ATXN7L1: variants seen among roughly 807,000 people sequenced by gnomAD.
The protein encoded by ATXN7L1 is ataxin-7-like protein 1.
Under a neutral mutation model 70.8 loss-of-function variants are expected in ATXN7L1, and 15 were observed. The ratio of observed to expected loss-of-function variants is 0.21; its 90% confidence interval spans 0.14 to 0.33. The LOEUF (loss-of-function observed/expected upper bound fraction) is 0.33, where lower values mean the gene tolerates loss of function less well. ATXN7L1 is among the 10% of genes least tolerant of loss of function. The pLI, the probability that ATXN7L1 is intolerant of heterozygous loss-of-function variation, is 1.00. For missense variants in ATXN7L1, 975 were observed against 1,097.1 expected, an observed-to-expected ratio of 0.89 and a Z score of 1.57; for synonymous variants, 440 against 445.1, an observed-to-expected ratio of 0.99 and a Z score of 0.14.
At position 105,731,591 on chromosome 7, in the gene ATXN7L1, C is replaced by T. The variant is rs187807399; in HGVS notation, c.355+57013G>A. 6.6e-5 allele frequency among the ~76,000 whole-genome samples: 10 copies of T among 151,334 alleles called. 1 individual carries two copies. Among genetic ancestry groups the T allele is most frequent in the Admixed American group, 5.3e-4 (8 of 15,190 alleles). ...CTGGGATTACATGCACCCACCACCA[C>T]GCCCGGCTAATTTTTTTATTTTTTA... On this transcript the variant is annotated intron_variant, in intron 3 of 11. Coordinates refer to ENST00000419735, the MANE Select transcript of ATXN7L1 (RefSeq NM_020725.2).
chr7:105,688,760 A>T (rs1399286763), intron 3 of ATXN7L1, among the ~76,000 whole-genome samples: 1 of 152,222 alleles, frequency 6.6e-6, no homozygotes, highest in East Asian at 1.9e-4. Context: ...GATAACTGGC[A>T]GTCTGCCTGC....
chr7:105,768,418 T>C (rs1801558820), intron 3 of ATXN7L1, among the ~76,000 whole-genome samples: 1 of 152,170 alleles, frequency 6.6e-6, no homozygotes, highest in African/African-American at 2.4e-5. Context: ...TTCAACAAAC[T>C]TATCTGTGGC....
chr7:105,726,424 T>C (rs1431563259), intron 3 of ATXN7L1, among the ~76,000 whole-genome samples: 1 of 152,134 alleles, frequency 6.6e-6, no homozygotes, highest in Non-Finnish European at 1.5e-5. Context: ...ACATGTCCCT[T>C]AGTGTGAACA....
rs1036085628 is a variant in ATXN7L1 at position 105,605,107 on chromosome 7, A to G, written c.*2745T>C. On this transcript the variant is annotated 3_prime_UTR_variant, in exon 12 of 12. Coordinates refer to ENST00000419735, the MANE Select transcript of ATXN7L1 (RefSeq NM_020725.2). ...ATGCATTGCGTTATGCTTCACAACCAGAGCTTTCGAGCCTCTATGGCTGGC... is the reference window on the plus strand; with the variant it reads ...ATGCATTGCGTTATGCTTCACAACCGGAGCTTTCGAGCCTCTATGGCTGGC... 45 of 138,536 alleles carry G rather than the reference A, an allele frequency of 3.2e-4. No individual in the cohort carries two copies. The highest frequency in any genetic ancestry group is 1.2e-3 in the African/African-American group (43 of 36,580). The allele number at this position is 138,536 out of a possible 1,614,324, so 8.6% of individuals were successfully genotyped here.
chr7:105,813,645 A>G (rs1347673445), intron 2 of ATXN7L1, among the ~76,000 whole-genome samples: 2 of 152,176 alleles, frequency 1.3e-5, no homozygotes, highest in Non-Finnish European at 2.9e-5. Flanking sequence ...CCCACAATCT[A>G]TAATTTTAAT....
intron 3 of ATXN7L1, among the ~76,000 whole-genome samples, chr7:105,781,079 A>G (rs188724064): frequency 6.6e-6 from 1 of 152,292 alleles, no homozygotes; most frequent in Admixed American, 6.5e-5. Context: ...AGAGACTGCT[A>G]TTGCTATCCA....
At chr7:105,670,767 C>T (rs374645534) in intron 3 of ATXN7L1, among the ~76,000 whole-genome samples, 60 of 151,298 alleles carry the variant, frequency 4.0e-4, no homozygotes, top group African/African-American at 1.4e-3. Context: ...ATTGAGACCA[C>T]CCTAGCCAAC....
intron 2 of ATXN7L1, among the ~76,000 whole-genome samples, chr7:105,827,620 G>A (rs1377459798): frequency 1.3e-5 from 2 of 152,186 alleles, no homozygotes; most frequent in African/African-American, 2.4e-5. Context: ...CCGCAAGGCC[G>A]ACTGAGGGAT....
intron 4 of ATXN7L1, among the ~76,000 whole-genome samples, chr7:105,646,118 C>T (rs764419767): frequency 6.6e-6 from 1 of 150,930 alleles, no homozygotes; most frequent in Non-Finnish European, 1.5e-5. Flanking sequence ...TTGAGACCAG[C>T]CCGGGCAACA....
intron 2 of ATXN7L1, among the ~76,000 whole-genome samples, chr7:105,820,508 TCTCAGCACAACAAAGCTCGGC>T (rs1451692487): frequency 1.3e-5 from 2 of 152,158 alleles, no homozygotes; most frequent in African/African-American, 4.8e-5. Flanking sequence ...GAGCTGTGGT[TCTCAGCACAACAAAGCTCGGC>T]CATGTAGCTG....
intron 3 of ATXN7L1, among the ~76,000 whole-genome samples, chr7:105,719,896 A>G (rs35865193): frequency 0.033 from 5,101 of 152,304 alleles, 123 homozygotes; most frequent in Non-Finnish European, 0.049. Context: ...CGAATCATGC[A>G]TTTAAAAGTT....
chr7:105,709,905 T>C (rs1008337266), intron 3 of ATXN7L1, among the ~76,000 whole-genome samples: 2 of 151,748 alleles, frequency 1.3e-5, no homozygotes, highest in African/African-American at 2.4e-5. Flanking sequence ...CAGAGTCTCA[T>C]TCTGTTGCAC....
At chr7:105,810,696 A>G (rs1474139791) in intron 2 of ATXN7L1, among the ~76,000 whole-genome samples, 1 of 152,230 alleles carries the variant, frequency 6.6e-6, no homozygotes, top group Non-Finnish European at 1.5e-5. Flanking sequence ...GCAGGAGCCA[A>G]CGCGAGCCAG....
Position 105,612,147 on chromosome 7 carries a change from G to C in ATXN7L1, c.2473-1544C>G, listed in dbSNP as rs772691621. Among the ~76,000 whole-genome samples the C allele has an allele frequency of 1.5e-3, 233 of 152,318 alleles. 2 individuals are homozygous for C. The highest frequency in any genetic ancestry group is 4.1e-4 in the Non-Finnish European group (28 of 68,036). On this transcript the variant is annotated intron_variant, in intron 10 of 11. Coordinates refer to ENST00000419735, the MANE Select transcript of ATXN7L1 (RefSeq NM_020725.2). ...CACAGAGGGACTCTGTTAATGGCATGGAGGCTAAGAGGCCAGACTCCAGAG... is the reference window on the plus strand; with the variant it reads ...CACAGAGGGACTCTGTTAATGGCATCGAGGCTAAGAGGCCAGACTCCAGAG...
chr7:105,731,841 C>T (rs1258771725), intron 3 of ATXN7L1, among the ~76,000 whole-genome samples: 1 of 137,622 alleles, frequency 7.3e-6, no homozygotes, highest in Admixed American at 7.1e-5. Flanking sequence ...GCCTGTAATT[C>T]CAGCATTTTG....
At chr7:105,713,855 A>G (rs980526007) in intron 3 of ATXN7L1, among the ~76,000 whole-genome samples, 1 of 152,218 alleles carries the variant, frequency 6.6e-6, no homozygotes, top group Admixed American at 6.5e-5. Context: ...CCAGATGCCC[A>G]TTAGCCCTTC....
intron 3 of ATXN7L1, among the ~76,000 whole-genome samples, chr7:105,669,803 C>A (rs1803250058): frequency 6.6e-6 from 1 of 151,728 alleles, no homozygotes. Flanking sequence ...CCTGTAATCC[C>A]AGCTACTCGG....
chr7:105,615,604 C>A (rs1170027595), intron 9 of ATXN7L1, among the ~76,000 whole-genome samples: 2 of 152,190 alleles, frequency 1.3e-5, no homozygotes, highest in East Asian at 3.8e-4. Context: ...GAGGAGCTGT[C>A]TGGGGTGTGG....
At chr7:105,793,862 G>A (rs901241165) in intron 2 of ATXN7L1, among the ~76,000 whole-genome samples, 2 of 152,186 alleles carry the variant, frequency 1.3e-5, no homozygotes, top group Non-Finnish European at 2.9e-5. Context: ...TCTTTCAGAT[G>A]AGAAAACAGA....
Sources: allele counts gnomAD v4.1 joint callset (sites outside exome capture counted in the v4.1 genomes callset), GRCh38; gene constraint gnomAD v4.1.1; transcripts MANE v1.5; gene names NCBI Gene and HGNC (gene_info 2026-07-23, HGNC 2026-07-21).